Variants in HMGA2 observed in about 807,000 individuals in gnomAD.
The protein encoded by HMGA2 is high mobility group protein HMGI-C.
In HMGA2, 8 loss-of-function variants were observed where a neutral mutation model predicts 19.1. That is an observed-to-expected ratio of 0.42 (90% confidence interval 0.25 to 0.76). The LOEUF is 0.76. HMGA2 is among the 30% of genes least tolerant of loss of function. The pLI is 0.28. For synonymous variants in HMGA2, 60 were observed against 48.8 expected (o/e 1.23, Z -0.96); for missense variants, 109 against 136.3 (o/e 0.80, Z 1.00).
At chr12:65,937,348 G>C (rs749012982) in intron 3 of HMGA2, among the ~76,000 whole-genome samples, 1 of 152,092 alleles carries the variant, frequency 6.6e-6, no homozygotes, top group African/African-American at 2.4e-5. Flanking sequence ...CCGGAAGAGC[G>C]GCATTGAACA....
intron 3 of HMGA2, among the ~76,000 whole-genome samples, chr12:65,864,078 A>G (rs953268245): frequency 1.3e-5 from 2 of 152,174 alleles, no homozygotes; most frequent in Non-Finnish European, 2.9e-5. Flanking sequence ...TTTAGGTCCA[A>G]GCAGCATGAG....
intron 3 of HMGA2, among the ~76,000 whole-genome samples, chr12:65,912,524 T>C (rs974048006): frequency 1.3e-5 from 2 of 152,198 alleles, no homozygotes; most frequent in African/African-American, 4.8e-5. Flanking sequence ...CTGTAGAGTG[T>C]CAGGGGAGTC....
intron 3 of HMGA2, among the ~76,000 whole-genome samples, chr12:65,866,166 A>C (rs990625563): frequency 6.6e-6 from 1 of 152,190 alleles, no homozygotes; most frequent in Non-Finnish European, 1.5e-5. Flanking sequence ...CTCAGCAAAC[A>C]TTTAGCCCAC....
intron 3 of HMGA2, among the ~76,000 whole-genome samples, chr12:65,853,187 G>A (rs1309481032): frequency 6.6e-6 from 1 of 152,240 alleles, no homozygotes; most frequent in Non-Finnish European, 1.5e-5. Flanking sequence ...TGAACCATGA[G>A]GACTGTCTAA....
chr12:65,937,222 GTATTA>G (rs1875927880), intron 3 of HMGA2, among the ~76,000 whole-genome samples: 1 of 152,148 alleles, frequency 6.6e-6, no homozygotes, highest in Non-Finnish European at 1.5e-5. Context: ...ACCAAACTGT[GTATTA>G]TCTAGAGCCA....
rs887021020 is a variant in HMGA2 at position 65,938,198 on chromosome 12, T to C, written c.250-13185T>C. Among the ~76,000 whole-genome samples, 3 of 152,310 alleles carry C rather than the reference T, an allele frequency of 2.0e-5. 1 individual carries two copies. Among genetic ancestry groups the C allele is most frequent in the Admixed American group, 2.0e-4 (3 of 15,306 alleles). The stretch of plus-strand genomic sequence containing the variant: ...CTGAAGGAAATAGACTGAGAATAAA[T>C]GTCAACTGGAAGAGCAGAAAGAAAG... On this transcript the variant is annotated intron_variant, in intron 3 of 4. Coordinates refer to ENST00000403681, the MANE Select transcript of HMGA2 (RefSeq NM_003483.6).
At chr12:65,887,819 A>G (rs1313376279) in intron 3 of HMGA2, among the ~76,000 whole-genome samples, 3 of 151,990 alleles carry the variant, frequency 2.0e-5, no homozygotes, top group Admixed American at 1.3e-4. Context: ...GAGTTGCGTC[A>G]TTAGGAGCTT....
At chr12:65,855,452 T>A (rs529359551) in intron 3 of HMGA2, among the ~76,000 whole-genome samples, 5,859 of 106,746 alleles carry the variant, frequency 0.055, 373 homozygotes, top group African/African-American at 0.2. Flanking sequence ...TCTCTCTCTC[T>A]CTCTCTCACA....
chr12:65,838,984 T>A (rs568722156), intron 3 of HMGA2, among the ~76,000 whole-genome samples: 1 of 137,632 alleles, frequency 7.3e-6, no homozygotes, highest in Non-Finnish European at 1.5e-5. Flanking sequence ...TTCTTTTTCT[T>A]TCTTTTTCTT....
At chr12:65,855,699 A>AGATGATGATGATGAT (rs3048830) in intron 3 of HMGA2, among the ~76,000 whole-genome samples, 42 of 148,652 alleles carry the variant, frequency 2.8e-4, no homozygotes, top group Admixed American at 6.8e-4. Flanking sequence ...ACCAGAACAC[A>AGATGATGATGATGAT]GATGATGATG....
intron 3 of HMGA2, among the ~76,000 whole-genome samples, chr12:65,897,964 C>CA (rs200954951): frequency 0.064 from 7,131 of 111,732 alleles, 392 homozygotes; most frequent in South Asian, 0.29. Flanking sequence ...AACTCCATCT[C>CA]AAAAAAAAAA....
At chr12:65,872,362 T>A (rs1452821710) in intron 3 of HMGA2, among the ~76,000 whole-genome samples, 1 of 152,196 alleles carries the variant, frequency 6.6e-6, no homozygotes, top group Non-Finnish European at 1.5e-5. Context: ...CGGGAGGCTC[T>A]TCTTTCTCTA....
chr12:65,937,853 G>A (rs1398902259), intron 3 of HMGA2, among the ~76,000 whole-genome samples: 1 of 152,216 alleles, frequency 6.6e-6, no homozygotes, highest in Non-Finnish European at 1.5e-5. Flanking sequence ...AGGGTCAAGA[G>A]GGCGCTTCTT....
intron 3 of HMGA2, among the ~76,000 whole-genome samples, chr12:65,869,237 A>C (rs1872585851): frequency 6.6e-6 from 1 of 152,210 alleles, no homozygotes. Context: ...ATGTACATTC[A>C]TAAATCAAAG....
At chr12:65,864,548 C>T (rs1872282985) in intron 3 of HMGA2, among the ~76,000 whole-genome samples, 1 of 152,126 alleles carries the variant, frequency 6.6e-6, no homozygotes, top group South Asian at 2.1e-4. Flanking sequence ...CAGAGAACAC[C>T]AGCTTTGCTA....
At position 65,966,166 on chromosome 12, in the gene HMGA2, C is replaced by A. The variant is rs1020001468; in HGVS notation, c.*2874C>A. ...AATCGCTTGCTTGTTGAAAATATTT[C>A]TCTAGTGTATTATCACTGTCTGTTC... On this transcript the variant is annotated 3_prime_UTR_variant, in exon 5 of 5. Coordinates refer to ENST00000403681, the MANE Select transcript of HMGA2 (RefSeq NM_003483.6). 7 of 203,308 alleles carry A rather than the reference C, an allele frequency of 3.4e-5. No individual in the cohort carries two copies. The highest frequency in any genetic ancestry group is 7.1e-5 in the Non-Finnish European group (7 of 98,828). The allele number at this position is 203,308 out of a possible 1,614,324, so 12.6% of individuals were successfully genotyped here.
chr12:65,930,893 A>G (rs1376717891), intron 3 of HMGA2, among the ~76,000 whole-genome samples: 2 of 152,214 alleles, frequency 1.3e-5, no homozygotes, highest in Non-Finnish European at 2.9e-5. Context: ...TTTGTAATTC[A>G]GGGAGGACAA....
At chr12:65,926,210 C>T (rs1472171328) in intron 3 of HMGA2, among the ~76,000 whole-genome samples, 1 of 152,156 alleles carries the variant, frequency 6.6e-6, no homozygotes, top group South Asian at 2.1e-4. Flanking sequence ...AAGCAGTAAG[C>T]GAGAGATAAC....
At chr12:65,920,604 A>T (rs1875272253) in intron 3 of HMGA2, among the ~76,000 whole-genome samples, 1 of 152,110 alleles carries the variant, frequency 6.6e-6, no homozygotes, top group Admixed American at 6.5e-5. Context: ...TATTCTCGTG[A>T]TAGTGAATAA....
Sources: gnomAD v4.1 joint callset for allele counts (sites outside exome capture counted in the v4.1 genomes callset) on GRCh38, gnomAD v4.1.1 for gene constraint, MANE v1.5 for transcripts, NCBI Gene and HGNC (gene_info 2026-07-23, HGNC 2026-07-21) for gene names.